The following PPIL2 variants were observed in gnomAD, a reference collection of about 807,000 sequenced individuals.
PPIL2 encodes RING-type E3 ubiquitin-protein ligase PPIL2.
PPIL2 carries 50 observed loss-of-function variants against 75.2 expected under a neutral mutation model. That is an observed-to-expected ratio of 0.66 (90% confidence interval 0.53 to 0.84). The LOEUF (loss-of-function observed/expected upper bound fraction) is 0.84, where lower values mean the gene tolerates loss of function less well. PPIL2 is among the 40% of genes least tolerant of loss of function. The pLI, the probability that PPIL2 is intolerant of heterozygous loss-of-function variation, is 0.00. For synonymous variants in PPIL2, 245 were observed against 258.8 expected (o/e 0.95, Z 0.51); for missense variants, 590 against 685.0 (o/e 0.86, Z 1.55).
chr22:21,677,173 C>T (rs1444522169), intron 6 of PPIL2, among the ~76,000 whole-genome samples: 7 of 149,244 alleles, frequency 4.7e-5, no homozygotes, highest in South Asian at 2.1e-4. Flanking sequence ...ACTTCTCAGA[C>T]GGGGCGGCCA....
intron 6 of PPIL2, 65 bp downstream of exon 6, chr22:21,675,180 A>G (rs966536612): frequency 8.9e-5 from 125 of 1,402,642 alleles, no homozygotes; most frequent in Non-Finnish European, 9.4e-5. Flanking sequence ...AGCTCTCACC[A>G]GTTTTCATAC....
chr22:21,696,763 C>T lies in PPIL2; in HGVS notation c.*1273C>T. 1.3e-6 allele frequency: 2 copies of T among 1,543,906 alleles called. No individual in the cohort carries two copies. Among genetic ancestry groups the T allele is most frequent in the Non-Finnish European group, 1.7e-6 (2 of 1,146,932 alleles). On this transcript the variant is annotated 3_prime_UTR_variant, in exon 20 of 20. Coordinates refer to ENST00000398831, the MANE Select transcript of PPIL2 (RefSeq NM_014337.4). ...ACCTGTCAGCAACTTGCAGGCTGTACCTCTGCCCTTCCTTTTCTCATCAAT... is the reference window on the plus strand; with the variant it reads ...ACCTGTCAGCAACTTGCAGGCTGTATCTCTGCCCTTCCTTTTCTCATCAAT...
intron 10 of PPIL2, among the ~76,000 whole-genome samples, chr22:21,686,041 C>T (rs367920903): frequency 9.2e-5 from 14 of 152,038 alleles, no homozygotes; most frequent in South Asian, 2.1e-4. Flanking sequence ...ATGCGCCTGT[C>T]GTCCCAGCTA....
chr22:21,692,790 A>G (rs199563149), intron 15 of PPIL2, among the ~76,000 whole-genome samples: 30 of 151,444 alleles, frequency 2.0e-4, no homozygotes, highest in East Asian at 1.5e-3. Context: ...GCTGGGCGTG[A>G]TGGCGGGCGC....
chr22:21,688,987 T>C (rs1045343280), intron 15 of PPIL2, 138 bp downstream of exon 15: 1 of 812,846 alleles, frequency 1.2e-6, no homozygotes, highest in South Asian at 1.7e-5. Flanking sequence ...AGGCCAAGCA[T>C]GTGCACCTGC....
intron 15 of PPIL2, among the ~76,000 whole-genome samples, chr22:21,692,989 CAGA>C (rs1318385037): frequency 6.6e-6 from 1 of 151,848 alleles, no homozygotes; most frequent in Non-Finnish European, 1.5e-5. Context: ...ACCAGGCTGG[CAGA>C]AACTCTCTCC....
Position 21,666,053 on chromosome 22 carries a change from T to C in PPIL2, c.-47T>C, listed in dbSNP as rs1227409740. The C allele has an allele frequency of 3.7e-6, 6 of 1,605,846 alleles. No individual in the cohort carries two copies. The African/African-American group carries it at 8.0e-5, about 21-fold the overall frequency. Reference sequence around the variant, plus strand: ...GGCTGCGGCTCCATGGTCTGAGTTGTCAGCCGTTGTTTTTTCGTGCTCGCT... The same window carrying C: ...GGCTGCGGCTCCATGGTCTGAGTTGCCAGCCGTTGTTTTTTCGTGCTCGCT... On this transcript the variant is annotated 5_prime_UTR_variant, in exon 1 of 20. Coordinates refer to ENST00000398831, the MANE Select transcript of PPIL2 (RefSeq NM_014337.4).
At chr22:21,679,225 A>G (rs961473201) in intron 6 of PPIL2, among the ~76,000 whole-genome samples, 1 of 151,726 alleles carries the variant, frequency 6.6e-6, no homozygotes, top group African/African-American at 2.4e-5. Flanking sequence ...TTATTTTTGT[A>G]GAGATGAGGT....
chr22:21,676,309 T>TTGTGTGTG (rs61112126), intron 6 of PPIL2, among the ~76,000 whole-genome samples: 1,939 of 122,998 alleles, frequency 0.016, 26 homozygotes, highest in African/African-American at 0.029. Flanking sequence ...TTTATTTATT[T>TTGTGTGTG]TGTGTGTGTG....
intron 5 of PPIL2, among the ~76,000 whole-genome samples, chr22:21,674,487 T>A (rs1601520025): frequency 2.6e-5 from 4 of 152,228 alleles, no homozygotes; most frequent in African/African-American, 9.6e-5. Context: ...GTTTTGTTTT[T>A]CTTAAATATT....
At chr22:21,670,710 G>A in intron 3 of PPIL2, 99 bp downstream of exon 3, 3 of 1,307,846 alleles carry the variant, frequency 2.3e-6, no homozygotes, top group Non-Finnish European at 3.3e-6. Flanking sequence ...GCGTAAAAGT[G>A]TGCCTTGAAG....
chr22:21,696,888 G>A lies in PPIL2; in HGVS notation c.*1398G>A. On this transcript the variant is annotated 3_prime_UTR_variant, in exon 20 of 20. Transcript: ENST00000398831. Reference sequence around the variant, plus strand: ...CTCACCCCATCCACTGCCACAGGCTGCCTGATGACCACTAGAGGTATGTCT... The same window carrying A: ...CTCACCCCATCCACTGCCACAGGCTACCTGATGACCACTAGAGGTATGTCT... The A allele has an allele frequency of 6.3e-7, 1 of 1,591,824 alleles. No homozygotes were observed. Among genetic ancestry groups the A allele is most frequent in the Non-Finnish European group, 8.5e-7 (1 of 1,169,750 alleles).
chr22:21,692,178 C>CG (rs1199706353), intron 15 of PPIL2, among the ~76,000 whole-genome samples: 88 of 149,998 alleles, frequency 5.9e-4, no homozygotes, highest in African/African-American at 1.9e-3. Context: ...TTCTTTGAGA[C>CG]GGAGTCTCGC....
Position 21,682,431 on chromosome 22 carries a change from C to G in PPIL2, c.388-6C>G. On this transcript the variant is annotated splice_polypyrimidine_tract_variant and splice_region_variant and intron_variant, in intron 7 of 19. Transcript: ENST00000398831. ...GCATCGTAAAACCACTTCCTCCTGG[C>G]TATAGGCAGTGGAACAGCTAAATAT... 6.2e-7 allele frequency: 1 copy of G among 1,613,088 alleles called. No individual in the cohort carries two copies. Among genetic ancestry groups the G allele is most frequent in the South Asian group, 1.1e-5 (1 of 91,076 alleles).
intron 9 of PPIL2, 77 bp from the exon 10 acceptor site, chr22:21,684,676 T>G (rs1393309701): frequency 6.4e-7 from 1 of 1,555,840 alleles, no homozygotes; most frequent in Non-Finnish European, 8.7e-7. Flanking sequence ...TGGGCTATTC[T>G]AGATCTGTGT....
intron 6 of PPIL2, among the ~76,000 whole-genome samples, chr22:21,680,840 A>AC (rs2067089747): frequency 2.0e-5 from 3 of 147,612 alleles, no homozygotes; most frequent in African/African-American, 7.4e-5. Flanking sequence ...AAAAAAAAAA[A>AC]AAAAAAAAAA....
chr22:21,677,220 G>C (rs1471256063), intron 6 of PPIL2, among the ~76,000 whole-genome samples: 1 of 147,896 alleles, frequency 6.8e-6, no homozygotes, highest in East Asian at 2.1e-4. Context: ...TGGGGTTGCA[G>C]CCAGGCAGAG....
At position 21,696,793 on chromosome 22, in the gene PPIL2, G is replaced by C; in HGVS notation, c.*1303G>C. 1 of 1,549,552 alleles carries C rather than the reference G, an allele frequency of 6.5e-7. No individual in the cohort carries two copies. Among genetic ancestry groups the C allele is most frequent in the Non-Finnish European group, 8.7e-7 (1 of 1,147,520 alleles). ...GCCCTTCCTTTTCTCATCAATCACT[G>C]ATGCTGAAGCTGCAGGCCTGAGCCC... On this transcript the variant is annotated 3_prime_UTR_variant, in exon 20 of 20. Transcript: ENST00000398831.
At chr22:21,679,429 G>A (rs62235097) in intron 6 of PPIL2, among the ~76,000 whole-genome samples, 45,652 of 147,784 alleles carry the variant, frequency 0.31, 7,132 homozygotes, top group Non-Finnish European at 0.35. Flanking sequence ...ATGAAACCTT[G>A]TCTCTACAAA....
Sources: allele counts gnomAD v4.1 joint callset (sites outside exome capture counted in the v4.1 genomes callset), GRCh38; gene constraint gnomAD v4.1.1; transcripts MANE v1.5; gene names NCBI Gene and HGNC (gene_info 2026-07-23, HGNC 2026-07-21).